The following SUPT3H variants were observed in gnomAD, a reference collection of about 807,000 sequenced individuals.
SUPT3H encodes the protein transcription initiation protein SPT3 homolog.
Under a neutral mutation model 44.3 loss-of-function variants are expected in SUPT3H, and 44 were observed. That is an observed-to-expected ratio of 0.99 (90% CI 0.78 to 1.28). SUPT3H has a LOEUF of 1.28. Ranked by LOEUF, SUPT3H falls within the 50% of genes most tolerant of loss-of-function variation. The pLI is 0.00. For missense variants in SUPT3H, 380 were observed against 387.1 expected, an observed-to-expected ratio of 0.98 and a Z score of 0.15; for synonymous variants, 124 against 125.6, an observed-to-expected ratio of 0.99 and a Z score of 0.09.
intron 2 of SUPT3H, among the ~76,000 whole-genome samples, chr6:45,336,725 C>A (rs1234494848): frequency 6.6e-6 from 1 of 151,150 alleles, no homozygotes; most frequent in Non-Finnish European, 1.5e-5. Flanking sequence ...TATTTACTTA[C>A]AAAGTAAATA....
intron 10 of SUPT3H, among the ~76,000 whole-genome samples, chr6:44,878,461 T>A (rs1032696440): frequency 6.6e-6 from 1 of 152,088 alleles, no homozygotes; most frequent in Non-Finnish European, 1.5e-5. Context: ...TTTTTTTTTT[T>A]AAACTAATGA....
chr6:44,988,190 G>A (rs185300866), intron 6 of SUPT3H, among the ~76,000 whole-genome samples: 17 of 151,854 alleles, frequency 1.1e-4, no homozygotes, highest in African/African-American at 2.9e-4. Flanking sequence ...AAAAAATTTC[G>A]GAGACTAAGG....
At chr6:45,316,548 A>AACC (rs1297523089) in intron 2 of SUPT3H, among the ~76,000 whole-genome samples, 1 of 152,186 alleles carries the variant, frequency 6.6e-6, no homozygotes, top group African/African-American at 2.4e-5. Context: ...AGACTCTGGA[A>AACC]TAAACTGTTA....
chr6:45,239,151 G>T (rs1769800382), intron 2 of SUPT3H, among the ~76,000 whole-genome samples: 1 of 151,980 alleles, frequency 6.6e-6, no homozygotes, highest in South Asian at 2.1e-4. Flanking sequence ...CTTCATATAT[G>T]GTTTATTCTA....
chr6:45,341,618 C>T (rs1789796612), intron 2 of SUPT3H, among the ~76,000 whole-genome samples: 1 of 152,032 alleles, frequency 6.6e-6, no homozygotes, highest in South Asian at 2.1e-4. Flanking sequence ...ATAAAGAGTA[C>T]AATGGCATAA....
chr6:44,994,820 T>A (rs1272905808), intron 6 of SUPT3H, among the ~76,000 whole-genome samples: 1 of 152,124 alleles, frequency 6.6e-6, no homozygotes, highest in African/African-American at 2.4e-5. Flanking sequence ...AGAAATCCAA[T>A]GTACATTGTG....
chr6:45,154,668 C>T (rs866344989), intron 2 of SUPT3H, among the ~76,000 whole-genome samples: 1 of 152,184 alleles, frequency 6.6e-6, no homozygotes, highest in Non-Finnish European at 1.5e-5. Flanking sequence ...CATTGTTCTT[C>T]AGGCTCATTC....
intron 10 of SUPT3H, among the ~76,000 whole-genome samples, chr6:44,888,326 A>T (rs1762678317): frequency 6.6e-6 from 1 of 152,178 alleles, no homozygotes; most frequent in East Asian, 1.9e-4. Flanking sequence ...AGAGAATTTT[A>T]GACCAATATC....
chr6:45,139,300 T>G (rs1201060817), intron 2 of SUPT3H, among the ~76,000 whole-genome samples: 1 of 152,214 alleles, frequency 6.6e-6, no homozygotes, highest in East Asian at 1.9e-4. Context: ...AATTATTGTG[T>G]GCTAAAAATT....
intron 2 of SUPT3H, among the ~76,000 whole-genome samples, chr6:45,335,599 C>T (rs1355973767): frequency 1.3e-5 from 2 of 151,216 alleles, no homozygotes; most frequent in African/African-American, 4.8e-5. Flanking sequence ...TACAGGATCA[C>T]AGAAAGGAAA....
intron 2 of SUPT3H, among the ~76,000 whole-genome samples, chr6:45,241,899 G>A (rs1181201007): frequency 6.6e-6 from 1 of 152,202 alleles, no homozygotes; most frequent in Non-Finnish European, 1.5e-5. Flanking sequence ...AGGATCCTTT[G>A]AGGAAAGAAC....
chr6:45,162,952 G>A (rs1460209226), intron 2 of SUPT3H, among the ~76,000 whole-genome samples: 2 of 152,134 alleles, frequency 1.3e-5, no homozygotes, highest in Admixed American at 6.6e-5. Context: ...TGCATCCCTG[G>A]AGATCTGTAG....
chr6:45,177,522 CA>C (rs1314146184), intron 2 of SUPT3H, among the ~76,000 whole-genome samples: 1 of 152,126 alleles, frequency 6.6e-6, no homozygotes, highest in African/African-American at 2.4e-5. Context: ...AGAACTTCCC[CA>C]ATCTAGCAAG....
chr6:44,900,776 A>C (rs1386485847), intron 10 of SUPT3H, among the ~76,000 whole-genome samples: 42 of 152,172 alleles, frequency 2.8e-4, no homozygotes. Context: ...ACCCCCTAGC[A>C]GGGGCAGACT....
intron 3 of SUPT3H, among the ~76,000 whole-genome samples, chr6:45,051,810 G>A (rs1583264973): frequency 6.6e-6 from 1 of 152,258 alleles, no homozygotes; most frequent in East Asian, 1.9e-4. Flanking sequence ...TAAATTAGGT[G>A]ACAGACAATG....
At chr6:44,833,698 T>C (rs1218993092) in intron 10 of SUPT3H, among the ~76,000 whole-genome samples, 1 of 151,956 alleles carries the variant, frequency 6.6e-6, no homozygotes, top group East Asian at 1.9e-4. Context: ...AGTAAAAGAG[T>C]AGATTTTGGA....
rs761914094 is a variant in SUPT3H at position 44,954,593 on chromosome 6, T to G, written c.595A>C (p.Lys199Gln). 6.2e-7 allele frequency: 1 copy of G among 1,612,848 alleles called. No individual in the cohort carries two copies. Among genetic ancestry groups the G allele is most frequent in the Non-Finnish European group, 8.5e-7 (1 of 1,179,616 alleles). The change falls in exon 8 of 11, where the codon AAA becomes CAA. Residue 199 changes from lysine (K) to glutamine (Q), a missense_variant. Transcript: ENST00000371459. ...CTGCAGTCCAACCAGTCTCGAAATT[T>G]GGAAGCTTTTTTGGCTGGCCATTTA... The part of the protein sequence containing the change: ...RQLSFSKKAS[K>Q]FRDWLDCSSM...
intron 3 of SUPT3H, among the ~76,000 whole-genome samples, chr6:45,100,894 CAT>C (rs1278017971): frequency 1.3e-5 from 2 of 152,172 alleles, no homozygotes; most frequent in African/African-American, 2.4e-5. Flanking sequence ...TCTGTGCTCA[CAT>C]GTTTATTGCA....
chr6:44,948,869 G>A (rs1356396145), intron 9 of SUPT3H, among the ~76,000 whole-genome samples: 1 of 152,154 alleles, frequency 6.6e-6, no homozygotes, highest in Non-Finnish European at 1.5e-5. Flanking sequence ...AATACCATTT[G>A]ACCCAGCCAT....
Sources: gnomAD v4.1 joint callset for allele counts (sites outside exome capture counted in the v4.1 genomes callset) on GRCh38, gnomAD v4.1.1 for gene constraint, MANE v1.5 for transcripts, NCBI Gene and HGNC (gene_info 2026-07-23, HGNC 2026-07-21) for gene names.